GRIA4: variants seen among roughly 807,000 people sequenced by gnomAD.
GRIA4 encodes glutamate ionotropic receptor AMPA type subunit 4.
In GRIA4, 34 loss-of-function variants were observed where a neutral mutation model predicts 104.0. The observed-to-expected ratio is 0.33, with a 90% CI of 0.25 to 0.44. GRIA4 has a LOEUF of 0.44. GRIA4 is among the 20% of genes least tolerant of loss of function. The pLI is 1.00. For missense variants in GRIA4, 750 were observed against 1,096.5 expected (o/e 0.68, Z 4.46); for synonymous variants, 386 against 381.9 (o/e 1.01, Z -0.13).
At chr11:105,893,756 T>C (rs532608736) in intron 6 of GRIA4, among the ~76,000 whole-genome samples, 38 of 152,312 alleles carry the variant, frequency 2.5e-4, no homozygotes, top group Non-Finnish European at 4.6e-4. Context: ...AATAATAATG[T>C]CATCAATTAG....
At chr11:105,882,709 A>T (rs2136084617) in intron 5 of GRIA4, among the ~76,000 whole-genome samples, 1 of 152,232 alleles carries the variant, frequency 6.6e-6, no homozygotes, top group Admixed American at 6.5e-5. Context: ...CCCTTATGAG[A>T]TAATAAACAC....
intron 11 of GRIA4, among the ~76,000 whole-genome samples, chr11:105,919,197 T>C (rs1229903050): frequency 6.6e-6 from 1 of 152,092 alleles, no homozygotes. Context: ...GAGTGACTAT[T>C]CTTTTAAGTT....
intron 5 of GRIA4, among the ~76,000 whole-genome samples, chr11:105,885,150 C>T (rs1310037599): frequency 6.6e-6 from 1 of 152,136 alleles, no homozygotes; most frequent in East Asian, 1.9e-4. Context: ...TATGCCATTT[C>T]GTGGCTGAGT....
chr11:105,843,473 C>T (rs939052706), intron 4 of GRIA4, among the ~76,000 whole-genome samples: 2 of 152,192 alleles, frequency 1.3e-5, no homozygotes, highest in African/African-American at 2.4e-5. Flanking sequence ...TTTGGCTCTT[C>T]AGGAATAAAA....
intron 3 of GRIA4, among the ~76,000 whole-genome samples, chr11:105,625,479 A>G (rs1016399533): frequency 3.9e-5 from 6 of 152,140 alleles, no homozygotes; most frequent in Non-Finnish European, 8.8e-5. Context: ...AAGCTAAGTA[A>G]CATTTCTTTA....
intron 3 of GRIA4, among the ~76,000 whole-genome samples, chr11:105,642,839 C>A (rs1490866064): frequency 1.3e-5 from 2 of 152,148 alleles, no homozygotes. Context: ...AGCATGATGT[C>A]AGTCCATTCT....
At chr11:105,881,192 G>T (rs982511648) in intron 5 of GRIA4, among the ~76,000 whole-genome samples, 1 of 152,144 alleles carries the variant, frequency 6.6e-6, no homozygotes, top group African/African-American at 2.4e-5. Context: ...CATGTCATTT[G>T]TTGGGCAAGG....
chr11:105,894,789 A>G (rs1272284688), intron 6 of GRIA4, among the ~76,000 whole-genome samples: 2 of 133,730 alleles, frequency 1.5e-5, no homozygotes, highest in Non-Finnish European at 3.1e-5. Flanking sequence ...TTATTGCTAC[A>G]TATTTTTTTT....
chr11:105,847,915 G>A (rs2135979277), intron 4 of GRIA4, among the ~76,000 whole-genome samples: 1 of 152,300 alleles, frequency 6.6e-6, no homozygotes, highest in Non-Finnish European at 1.5e-5. Context: ...TGGTGAGCCT[G>A]CCAGAATAGG....
Position 105,981,801 on chromosome 11 carries a change from A to G in GRIA4, c.*2062A>G. The G allele has an allele frequency of 6.5e-6, 1 of 152,736 alleles. No homozygotes were observed. Among genetic ancestry groups the G allele is most frequent in the Non-Finnish European group, 1.5e-5 (1 of 68,112 alleles). 9.5% of individuals were successfully genotyped at this position (152,736 alleles called of 1,614,324 possible). On this transcript the variant is annotated 3_prime_UTR_variant, in exon 17 of 17. Coordinates refer to ENST00000282499, the MANE Select transcript of GRIA4 (RefSeq NM_000829.4). Reference sequence around the variant, plus strand: ...TCTCCTCTTTACCTGAGTAACTTGTACTCATCCTTCAATACTCCAACTGAA... The same window carrying G: ...TCTCCTCTTTACCTGAGTAACTTGTGCTCATCCTTCAATACTCCAACTGAA...
chr11:105,823,514 G>C (rs1330249662), intron 4 of GRIA4, among the ~76,000 whole-genome samples: 1 of 152,060 alleles, frequency 6.6e-6, no homozygotes, highest in Non-Finnish European at 1.5e-5. Flanking sequence ...ACATTTTGCA[G>C]AATTGAGTGG....
At chr11:105,794,481 A>G (rs1488586114) in intron 4 of GRIA4, among the ~76,000 whole-genome samples, 31 of 100,538 alleles carry the variant, frequency 3.1e-4, no homozygotes, top group African/African-American at 2.8e-4. Context: ...ATGTATATAT[A>G]TATATATATA....
chr11:105,709,064 G>A (rs150741731), intron 3 of GRIA4, among the ~76,000 whole-genome samples: 21 of 152,056 alleles, frequency 1.4e-4, no homozygotes, highest in African/African-American at 4.8e-4. Flanking sequence ...TCTGAGGCAG[G>A]GAAAATATAA....
At chr11:105,698,153 G>A (rs1296979464) in intron 3 of GRIA4, among the ~76,000 whole-genome samples, 1 of 152,028 alleles carries the variant, frequency 6.6e-6, no homozygotes, top group Non-Finnish European at 1.5e-5. Context: ...TTCACTTATT[G>A]TTATTGATAC....
intron 5 of GRIA4, among the ~76,000 whole-genome samples, chr11:105,873,238 T>C (rs1278049403): frequency 1.3e-5 from 2 of 152,214 alleles, no homozygotes; most frequent in Admixed American, 6.5e-5. Flanking sequence ...TCCATGTTCC[T>C]GCAAAGGACA....
At chr11:105,631,392 C>T (rs1442847607) in intron 3 of GRIA4, among the ~76,000 whole-genome samples, 1 of 151,990 alleles carries the variant, frequency 6.6e-6, no homozygotes, top group Non-Finnish European at 1.5e-5. Flanking sequence ...AAAATTGGAC[C>T]GATATACTTA....
intron 3 of GRIA4, among the ~76,000 whole-genome samples, chr11:105,694,069 T>A (rs1953183636): frequency 6.6e-6 from 1 of 152,194 alleles, no homozygotes; most frequent in Non-Finnish European, 1.5e-5. Context: ...ATAAAGATAC[T>A]TATTTTGAAT....
At chr11:105,738,930 C>CAAAAAAAAAAAAAAA (rs1301890108) in intron 3 of GRIA4, among the ~76,000 whole-genome samples, 2 of 80,616 alleles carry the variant, frequency 2.5e-5, no homozygotes, top group African/African-American at 4.3e-5. Flanking sequence ...TAAAAAAAAA[C>CAAAAAAAAAAAAAAA]AAAAAAAAAA....
At chr11:105,808,795 C>T (rs1943057416) in intron 4 of GRIA4, among the ~76,000 whole-genome samples, 1 of 152,120 alleles carries the variant, frequency 6.6e-6, no homozygotes, top group African/African-American at 2.4e-5. Context: ...AGTCTGCTAA[C>T]TAATAAAAAT....
Sources: gnomAD v4.1 joint callset for allele counts (sites outside exome capture counted in the v4.1 genomes callset) on GRCh38, gnomAD v4.1.1 for gene constraint, MANE v1.5 for transcripts, NCBI Gene and HGNC (gene_info 2026-07-23, HGNC 2026-07-21) for gene names.